The following NARS1 variants were observed in gnomAD, a reference collection of about 807,000 sequenced individuals.
NARS1 encodes the protein asparaginyl-tRNA synthetase 1.
A neutral mutation model predicts 79.2 loss-of-function variants in NARS1; 65 were observed. That is an observed-to-expected ratio of 0.82 (90% CI 0.67 to 1.01). The LOEUF (loss-of-function observed/expected upper bound fraction) is 1.01. Among genes scored for constraint, NARS1 ranks in the 50% least tolerant of loss-of-function variants. The pLI, the probability that NARS1 is intolerant of heterozygous loss-of-function variation, is 0.00. For missense variants in NARS1, 649 were observed against 673.8 expected, an observed-to-expected ratio of 0.96 and a Z score of 0.41; for synonymous variants, 229 against 238.8, an observed-to-expected ratio of 0.96 and a Z score of 0.38.
In NARS1 at chr18:57,602,461, C is replaced by G; in HGVS notation, c.1409G>C (p.Gly470Ala). The G allele has an allele frequency of 6.2e-7, 1 of 1,613,838 alleles. No homozygotes were observed. Among genetic ancestry groups the G allele is most frequent in the Non-Finnish European group, 8.5e-7 (1 of 1,179,850 alleles). ...ACGCATTGAGCCTCCCACAATCTCA[C>G]CAACATTGGGCATCAACACGTCGAC... The part of the protein sequence containing the change: ...ESVDVLMPNV[G>A]EIVGGSMRIF... Residue 470 changes from glycine to alanine, a missense_variant, in exon 13 of 14, where the codon GGT (glycine) becomes GCT (alanine). By Grantham distance (60) the Gly-to-Ala change is moderately conservative. Transcript: ENST00000256854.
intron 2 of NARS1, among the ~76,000 whole-genome samples, chr18:57,620,279 AC>A (rs1908244356): frequency 6.6e-6 from 1 of 152,244 alleles, no homozygotes. Context: ...TTTTATCTTT[AC>A]AAGAATTGAA....
At chr18:57,603,537 A>C (rs1438552330) in intron 11 of NARS1, among the ~76,000 whole-genome samples, 1 of 152,238 alleles carries the variant, frequency 6.6e-6, no homozygotes, top group African/African-American at 2.4e-5. Flanking sequence ...ATAGTTACCC[A>C]AACAATGTTA....
At chr18:57,621,591 C>G (rs894896649) in intron 1 of NARS1, 117 bp downstream of exon 1, 2 of 770,742 alleles carry the variant, frequency 2.6e-6, no homozygotes, top group Non-Finnish European at 4.5e-6. Flanking sequence ...CAATCGGTCC[C>G]CAAACATTCG....
rs780192351 is a variant in NARS1, at chr18:57,609,347, A to G, written c.579+10T>C. 2 of 1,607,114 alleles carry G rather than the reference A, an allele frequency of 1.2e-6. No homozygotes were observed. The highest frequency in any genetic ancestry group is 1.7e-5 in the Admixed American group (1 of 59,580). ...ATTCATTCACCCAGTGCGAAACTCA[A>G]TCCACTCACCTGCTTGCCCTTTGGG... On this transcript the variant is annotated intron_variant, in intron 7 of 13. Coordinates refer to ENST00000256854, the MANE Select transcript of NARS1 (RefSeq NM_004539.4).
chr18:57,613,254 G>C (rs751275936), intron 5 of NARS1, among the ~76,000 whole-genome samples: 20 of 151,970 alleles, frequency 1.3e-4, no homozygotes, highest in Non-Finnish European at 2.1e-4. Context: ...AGCACTTTGG[G>C]AGGCCAAGAC....
rs537124621 is a variant in NARS1, at chr18:57,614,169, C to A, written c.343-489G>T. 3.3e-5 allele frequency among the ~76,000 whole-genome samples: 5 copies of A among 152,192 alleles called. No individual in the cohort carries two copies. In the South Asian group the frequency reaches 1.0e-3, roughly 32 times the overall value. The stretch of plus-strand genomic sequence containing the variant: ...TGGCCAAAAAACCCCAGCTCCATCA[C>A]TAAGGAAATAATACAAAAATTCATC... On this transcript the variant is annotated intron_variant, in intron 4 of 13. Transcript: ENST00000256854.
At chr18:57,613,415 C>A (rs2051621310) in intron 5 of NARS1, among the ~76,000 whole-genome samples, 187 bp downstream of exon 5, 1 of 152,072 alleles carries the variant, frequency 6.6e-6, no homozygotes, top group African/African-American at 2.4e-5. Flanking sequence ...ATTGCTTGAA[C>A]CTGAGAGGCG....
chr18:57,602,751 A>T, intron 12 of NARS1, 61 bp downstream of exon 12: 1 of 1,550,934 alleles, frequency 6.4e-7, no homozygotes, highest in Non-Finnish European at 8.8e-7. Context: ...CTGATTCCAG[A>T]TGACAGTCCC....
chr18:57,609,763 T>C (rs2051590149), intron 6 of NARS1, among the ~76,000 whole-genome samples: 1 of 152,166 alleles, frequency 6.6e-6, no homozygotes, highest in African/African-American at 2.4e-5. Flanking sequence ...ATCTAGACTA[T>C]TAAAGTAACA....
At chr18:57,615,774 T>G in intron 3 of NARS1, 43 bp downstream of exon 3, 1 of 1,610,864 alleles carries the variant, frequency 6.2e-7, no homozygotes, top group Non-Finnish European at 8.5e-7. Context: ...GTTGCCAGAG[T>G]TCTAACTTTA....
intron 2 of NARS1, among the ~76,000 whole-genome samples, chr18:57,619,145 A>AGT (rs1289258106): frequency 6.6e-6 from 1 of 152,114 alleles, no homozygotes; most frequent in African/African-American, 2.4e-5. Flanking sequence ...TCCAGGCTGC[A>AGT]GAGCAGTGAT....
rs1381303678 is a variant in NARS1, at chr18:57,602,397, C to G, written c.1473G>C (p.Arg491Ser). ...DSEEILAGYKREGIDPTPYYW... is the reference protein window; with the variant it reads ...DSEEILAGYKSEGIDPTPYYW... Reference sequence around the variant, plus strand: ...AATAGGGAGTGGGGTCAATCCCTTCCCTTTTATAACCTGCCAGTATTTCTT... The same window carrying G: ...AATAGGGAGTGGGGTCAATCCCTTCGCTTTTATAACCTGCCAGTATTTCTT... Residue 491 changes from arginine (R) to serine (S), a missense_variant, in exon 13 of 14, where the codon AGG becomes AGC. By Grantham distance (110) the Arg-to-Ser change is moderately radical. Transcript: ENST00000256854. 1 of 1,613,910 alleles carries G rather than the reference C, an allele frequency of 6.2e-7. No individual in the cohort carries two copies. The highest frequency in any genetic ancestry group is 8.5e-7 in the Non-Finnish European group (1 of 1,179,844).
At chr18:57,604,733 T>C (rs2051539437) in intron 11 of NARS1, among the ~76,000 whole-genome samples, 1 of 151,890 alleles carries the variant, frequency 6.6e-6, no homozygotes, top group African/African-American at 2.4e-5. Flanking sequence ...CTACAAATAA[T>C]AAAAAATTAG....
chr18:57,603,808 A>G (rs1350650546), intron 11 of NARS1, among the ~76,000 whole-genome samples: 1 of 150,982 alleles, frequency 6.6e-6, no homozygotes, highest in African/African-American at 2.4e-5. Context: ...TGAGTGGGAG[A>G]GCTCTAGTCT....
chr18:57,602,505 G>C lies in NARS1; in HGVS notation c.1384-19C>G, dbSNP rs756018744. 6.2e-7 allele frequency: 1 copy of C among 1,613,046 alleles called. No individual in the cohort carries two copies. The highest frequency in any genetic ancestry group is 1.1e-5 in the South Asian group (1 of 90,972). On this transcript the variant is annotated intron_variant, in intron 12 of 13. Transcript: ENST00000256854. ...CGTCGACCTTTAAATATAAGTGAAA[G>C]AAGATACACAATTACTATCAAGCGA...
chr18:57,615,645 T>C lies in NARS1; in HGVS notation c.338A>G (p.Lys113Arg), dbSNP rs150127491. 6.2e-7 allele frequency: 1 copy of C among 1,604,808 alleles called. No individual in the cohort carries two copies. Among genetic ancestry groups the C allele is most frequent in the Non-Finnish European group, 8.5e-7 (1 of 1,172,590 alleles). Residue 113 changes from lysine to arginine, a missense_variant, in exon 4 of 14, where the codon AAA (lysine) becomes AGA (arginine). Physicochemically the swap from Lys to Arg is conservative, Grantham distance 26. Transcript: ENST00000256854. ...TGAAAAGATAAACAAACTTACACAT[T>C]TTGGCTCTGGGAGACTTGGATCATT... The part of the protein sequence containing the change: ...IKNDPSLPEP[K>R]CVKIGALEGY...
Position 57,601,386 on chromosome 18 carries a change from G to A in NARS1, c.*266C>T, listed in dbSNP as rs1189346589. 3.4e-6 allele frequency: 1 copy of A among 293,156 alleles called. No individual in the cohort carries two copies. Among genetic ancestry groups the A allele is most frequent in the East Asian group, 6.1e-5 (1 of 16,512 alleles). 18.2% of individuals were successfully genotyped at this position (293,156 alleles called of 1,614,324 possible). ...GATAAAGTGAGTAAAATGCTGAAAT[G>A]TATCCCTAACTACAGTTTCATGCCA... On this transcript the variant is annotated 3_prime_UTR_variant, in exon 14 of 14. Transcript: ENST00000256854.
chr18:57,601,632 C>T lies in NARS1; in HGVS notation c.*20G>A, dbSNP rs1266887754. The T allele has an allele frequency of 6.2e-7, 1 of 1,610,230 alleles. No homozygotes were observed. The highest frequency in any genetic ancestry group is 1.3e-5 in the African/African-American group (1 of 74,732). On this transcript the variant is annotated 3_prime_UTR_variant, in exon 14 of 14. Transcript: ENST00000256854. ...CCTGTTCCTTTCATAATCTTTCCTCCACGCTTCTGGAGAAAATGGTTATGG... is the reference window on the plus strand; with the variant it reads ...CCTGTTCCTTTCATAATCTTTCCTCTACGCTTCTGGAGAAAATGGTTATGG...
intron 6 of NARS1, among the ~76,000 whole-genome samples, chr18:57,609,764 T>A (rs2051590170): frequency 6.6e-6 from 1 of 152,150 alleles, no homozygotes; most frequent in African/African-American, 2.4e-5. Context: ...TCTAGACTAT[T>A]AAAGTAACAT....
Sources: gnomAD v4.1 joint callset for allele counts (sites outside exome capture counted in the v4.1 genomes callset) on GRCh38, gnomAD v4.1.1 for gene constraint, MANE v1.5 for transcripts, NCBI Gene and HGNC (gene_info 2026-07-23, HGNC 2026-07-21) for gene names.